Variants in PGM1 observed in about 807,000 individuals in gnomAD.
The protein encoded by PGM1 is phosphoglucomutase 1.
PGM1 carries 52 observed loss-of-function variants against 55.6 expected under a neutral mutation model. The observed-to-expected ratio is 0.94, with a 90% CI of 0.75 to 1.18. PGM1 has a LOEUF of 1.18. Among genes scored for constraint, PGM1 ranks in the 50% most tolerant of loss-of-function variants. The pLI, the probability that PGM1 is intolerant of heterozygous loss-of-function variation, is 0.00. For synonymous variants in PGM1, 287 were observed against 271.7 expected (o/e 1.06, Z -0.55); for missense variants, 724 against 729.3 (o/e 0.99, Z 0.08).
rs1261124570 is a variant in PGM1, at chr1:63,593,860, T to G, written c.246+126T>G. ...TGCCGCCTCGGTTTCCACCTCCCGCTCCTCCCTCTCCTTCGCGCTCGCTCT... is the reference window on the plus strand; with the variant it reads ...TGCCGCCTCGGTTTCCACCTCCCGCGCCTCCCTCTCCTTCGCGCTCGCTCT... On this transcript the variant is annotated intron_variant, in intron 1 of 10. Transcript: ENST00000371084. 4 of 1,294,372 alleles carry G rather than the reference T, an allele frequency of 3.1e-6. No homozygotes were observed. In the African/African-American group the frequency reaches 6.3e-5, roughly 20 times the overall value. The allele number at this position is 1,294,372 out of a possible 1,614,324, so 80.2% of individuals were successfully genotyped here.
In PGM1 at chr1:63,621,587, A is replaced by G. The variant is rs1648880569; in HGVS notation, c.247-7838A>G. Reference sequence around the variant, plus strand: ...AAAATAGGAATTTAAAAAATCATTTATAGTACGTTGAAAAACAGTGGTTAT... The same window carrying G: ...AAAATAGGAATTTAAAAAATCATTTGTAGTACGTTGAAAAACAGTGGTTAT... On this transcript the variant is annotated intron_variant, in intron 1 of 10. Coordinates refer to ENST00000371084, the MANE Select transcript of PGM1 (RefSeq NM_002633.3). Among the ~76,000 whole-genome samples the G allele has an allele frequency of 2.0e-5, 3 of 152,244 alleles. No individual in the cohort carries two copies. The South Asian group carries it at 6.2e-4, about 32-fold the overall frequency.
intron 1 of PGM1, chr1:63,623,197 G>T: frequency 7.7e-7 from 1 of 1,301,542 alleles, no homozygotes; most frequent in Non-Finnish European, 9.8e-7. Context: ...TTGGTTAAGT[G>T]GGCAGAAGTG....
intron 1 of PGM1, among the ~76,000 whole-genome samples, chr1:63,625,965 T>A: frequency 6.6e-6 from 1 of 152,348 alleles, no homozygotes; most frequent in Admixed American, 6.5e-5. Context: ...AACTTGTTTT[T>A]TAAATAACCT....
chr1:63,652,354 A>G (rs906731962), intron 9 of PGM1, among the ~76,000 whole-genome samples: 3 of 152,206 alleles, frequency 2.0e-5, no homozygotes, highest in Non-Finnish European at 4.4e-5. Context: ...AACGTTGACC[A>G]TCGTCATTCG....
At chr1:63,598,549 A>G (rs1408765697) in intron 1 of PGM1, among the ~76,000 whole-genome samples, 1 of 152,226 alleles carries the variant, frequency 6.6e-6, no homozygotes, top group Non-Finnish European at 1.5e-5. Context: ...ATTGATGATA[A>G]ATTCCTAGGT....
intron 7 of PGM1, among the ~76,000 whole-genome samples, chr1:63,643,518 G>T (rs1649570306): frequency 6.6e-6 from 1 of 152,190 alleles, no homozygotes; most frequent in Non-Finnish European, 1.5e-5. Context: ...AGGCCTGACA[G>T]TTCCTGGGGC....
chr1:63,618,317 C>T (rs772023120), intron 1 of PGM1, among the ~76,000 whole-genome samples: 5 of 152,140 alleles, frequency 3.3e-5, no homozygotes, highest in African/African-American at 7.2e-5. Flanking sequence ...ATAATACAGT[C>T]CAAGTTTTCT....
chr1:63,627,521 A>G (rs1649064685), intron 1 of PGM1, among the ~76,000 whole-genome samples: 1 of 152,062 alleles, frequency 6.6e-6, no homozygotes, highest in Admixed American at 6.6e-5. Context: ...CCCAAGAAAG[A>G]GCCTGATCTG....
intron 5 of PGM1, among the ~76,000 whole-genome samples, 193 bp downstream of exon 5, chr1:63,635,212 C>T (rs919066054): frequency 9.2e-5 from 14 of 152,146 alleles, no homozygotes; most frequent in African/African-American, 2.9e-4. Context: ...GAAACCCACA[C>T]ATTTAATTTC....
At chr1:63,659,259 T>C (rs11208263) in intron 10 of PGM1, among the ~76,000 whole-genome samples, 2 of 151,132 alleles carry the variant, frequency 1.3e-5, no homozygotes, top group East Asian at 3.9e-4. Flanking sequence ...AGCAGGAGAG[T>C]GGAGAGAAAA....
rs1306735211 is a variant in PGM1, at chr1:63,659,871, T to G, written c.*196T>G. On this transcript the variant is annotated 3_prime_UTR_variant, in exon 11 of 11. Coordinates refer to ENST00000371084, the MANE Select transcript of PGM1 (RefSeq NM_002633.3). ...TGGGAGCTGTGAGGGAAAGAGGACC[T>G]GCGGGCTTAGATCAATCTCAATTCC... 1 of 648,994 alleles carries G rather than the reference T, an allele frequency of 1.5e-6. No homozygotes were observed. The highest frequency in any genetic ancestry group is 2.8e-6 in the Non-Finnish European group (1 of 355,314). 40.2% of individuals were successfully genotyped at this position (648,994 alleles called of 1,614,324 possible).
intron 7 of PGM1, among the ~76,000 whole-genome samples, chr1:63,640,572 T>G (rs997588138): frequency 6.6e-6 from 1 of 152,166 alleles, no homozygotes; most frequent in Non-Finnish European, 1.5e-5. Context: ...TCGTAGTATG[T>G]ACAGTAACTT....
At chr1:63,614,899 A>G (rs774963428) in intron 1 of PGM1, among the ~76,000 whole-genome samples, 1 of 152,224 alleles carries the variant, frequency 6.6e-6, no homozygotes, top group Non-Finnish European at 1.5e-5. Flanking sequence ...TTTATCTTCT[A>G]CTACCTTTGA....
In PGM1 at chr1:63,659,827, C is replaced by T. The variant is rs1650071082; in HGVS notation, c.*152C>T. On this transcript the variant is annotated 3_prime_UTR_variant, in exon 11 of 11. Coordinates refer to ENST00000371084, the MANE Select transcript of PGM1 (RefSeq NM_002633.3). ...TGACGAGCAGTGCATTTACAAGGCA[C>T]TGCCAAACAAGATGCCCTTGGGAGC... 17 of 693,412 alleles carry T rather than the reference C, an allele frequency of 2.5e-5. No individual in the cohort carries two copies. The Admixed American group carries it at 3.5e-4, about 14-fold the overall frequency. The allele number at this position is 693,412 out of a possible 1,614,324, so 43.0% of individuals were successfully genotyped here.
intron 1 of PGM1, among the ~76,000 whole-genome samples, chr1:63,609,724 G>A (rs780847856): frequency 7.2e-5 from 11 of 152,078 alleles, no homozygotes; most frequent in Non-Finnish European, 1.6e-4. Flanking sequence ...GAGGGTAAAC[G>A]ACCAATAATG....
At chr1:63,634,654 T>C (rs1016274095) in intron 4 of PGM1, among the ~76,000 whole-genome samples, 175 bp from the exon 5 acceptor site, 2 of 152,206 alleles carry the variant, frequency 1.3e-5, no homozygotes, top group African/African-American at 4.8e-5. Context: ...TTAGAGAACA[T>C]TCTTCTCCAG....
intron 3 of PGM1, among the ~76,000 whole-genome samples, chr1:63,630,456 T>C (rs968500503): frequency 1.1e-4 from 17 of 152,324 alleles, no homozygotes; most frequent in African/African-American, 3.8e-4. Flanking sequence ...AGTAGATCTG[T>C]CAGGGCAGCA....
Position 63,659,895 on chromosome 1 carries a change from C to T in PGM1, c.*220C>T. 6.4e-6 allele frequency: 4 copies of T among 621,038 alleles called. No homozygotes were observed. Among genetic ancestry groups the T allele is most frequent in the South Asian group, 5.4e-5 (3 of 55,726 alleles). The allele number at this position is 621,038 out of a possible 1,614,324, so 38.5% of individuals were successfully genotyped here. On this transcript the variant is annotated 3_prime_UTR_variant, in exon 11 of 11. Transcript: ENST00000371084. ...CTGCGGGCTTAGATCAATCTCAATTCCTTTTCATGCCCTCCTGCATTGCTG... is the reference window on the plus strand; with the variant it reads ...CTGCGGGCTTAGATCAATCTCAATTTCTTTTCATGCCCTCCTGCATTGCTG...
chr1:63,636,737 G>A (rs1649374234), intron 6 of PGM1, among the ~76,000 whole-genome samples: 1 of 152,068 alleles, frequency 6.6e-6, no homozygotes, highest in South Asian at 2.1e-4. Context: ...GCACATAGTA[G>A]GACAAACACA....
Sources: allele counts gnomAD v4.1 joint callset (sites outside exome capture counted in the v4.1 genomes callset), GRCh38; gene constraint gnomAD v4.1.1; transcripts MANE v1.5; gene names NCBI Gene and HGNC (gene_info 2026-07-23, HGNC 2026-07-21).